The following TRIM33 variants were observed in gnomAD, a reference collection of about 807,000 sequenced individuals.
TRIM33 encodes the protein E3 ubiquitin-protein ligase TRIM33.
Under a neutral mutation model 125.4 loss-of-function variants are expected in TRIM33, and 20 were observed. That is an observed-to-expected ratio of 0.16 (90% CI 0.11 to 0.23). The LOEUF is 0.23. Ranked by LOEUF, TRIM33 falls within the 10% of genes least tolerant of loss-of-function variation. The pLI is 1.00. For missense variants in TRIM33, 920 were observed against 1,411.4 expected (o/e 0.65, Z 5.58); for synonymous variants, 564 against 513.9 (o/e 1.10, Z -1.32).
intron 1 of TRIM33, among the ~76,000 whole-genome samples, chr1:114,465,683 A>G: frequency 6.6e-6 from 1 of 152,246 alleles, no homozygotes; most frequent in East Asian, 1.9e-4. Flanking sequence ...ACTGTTATAT[A>G]TTTAAAACAA....
At position 114,408,704 on chromosome 1, in the gene TRIM33, C is replaced by G; in HGVS notation, c.2231G>C (p.Ser744Thr). The G allele has an allele frequency of 6.2e-7, 1 of 1,604,940 alleles. No homozygotes were observed. Among genetic ancestry groups the G allele is most frequent in the Non-Finnish European group, 8.5e-7 (1 of 1,175,192 alleles). Residue 744 changes from serine to threonine, a missense_variant, in exon 13 of 20, where the codon AGT becomes ACT. Transcript: ENST00000358465. ...SNSHTPVRPP[S>T]TSSTGSRGSC... The stretch of plus-strand genomic sequence containing the variant: ...GCCTCGACTGCCAGTACTAGAAGTA[C>G]TTGGGGGTCTCACAGGTGTGTGAGA...
intron 1 of TRIM33, among the ~76,000 whole-genome samples, chr1:114,481,689 A>G (rs536017109): frequency 0.015 from 2,181 of 142,128 alleles, 30 homozygotes; most frequent in South Asian, 0.044. Flanking sequence ...ATATATATAT[A>G]TGTGTGTATA....
chr1:114,409,422 C>T (rs1319087264), intron 12 of TRIM33, among the ~76,000 whole-genome samples: 2 of 152,112 alleles, frequency 1.3e-5, no homozygotes, highest in Admixed American at 1.3e-4. Flanking sequence ...TGAAAATTAA[C>T]CTGCCCTTCT....
At chr1:114,504,336 T>G (rs1307192243) in intron 1 of TRIM33, among the ~76,000 whole-genome samples, 1 of 152,008 alleles carries the variant, frequency 6.6e-6, no homozygotes, top group Non-Finnish European at 1.5e-5. Context: ...TATTTAATTT[T>G]TTTGTATTTT....
At chr1:114,442,526 A>T (rs1222015390) in intron 4 of TRIM33, among the ~76,000 whole-genome samples, 2 of 151,730 alleles carry the variant, frequency 1.3e-5, no homozygotes, top group African/African-American at 4.8e-5. Context: ...TGTCTCTACT[A>T]AAAATACAAA....
intron 19 of TRIM33, 32 bp from the exon 20 acceptor site, chr1:114,397,892 T>A: frequency 1.9e-6 from 3 of 1,613,524 alleles, no homozygotes; most frequent in Non-Finnish European, 2.5e-6. Flanking sequence ...ATTCACCTAT[T>A]GGTAATGCAT....
At chr1:114,449,592 A>G (rs1649196278) in intron 4 of TRIM33, among the ~76,000 whole-genome samples, 1 of 152,190 alleles carries the variant, frequency 6.6e-6, no homozygotes. Context: ...GTCAATGGAA[A>G]AGAAATTCTA....
intron 18 of TRIM33, 22 bp downstream of exon 18, chr1:114,399,435 T>C (rs1321974694): frequency 3.7e-6 from 6 of 1,607,074 alleles, no homozygotes; most frequent in African/African-American, 2.7e-5. Flanking sequence ...ATCAAGACTC[T>C]ATAGGTTGGA....
intron 1 of TRIM33, among the ~76,000 whole-genome samples, chr1:114,469,684 TAA>T (rs1650520326): frequency 6.6e-6 from 1 of 152,204 alleles, no homozygotes; most frequent in Admixed American, 6.5e-5. Context: ...TGATCTTTAC[TAA>T]AGAAATTTTA....
At chr1:114,485,941 C>G (rs1651654602) in intron 1 of TRIM33, among the ~76,000 whole-genome samples, 1 of 152,150 alleles carries the variant, frequency 6.6e-6, no homozygotes, top group South Asian at 2.1e-4. Flanking sequence ...TTAGAAACAT[C>G]TGACAAAGTC....
rs565468000 is a variant in TRIM33, at chr1:114,412,637, TA to T, written c.2062-2322del. Among the ~76,000 whole-genome samples the T allele has an allele frequency of 3.4e-3, 518 of 152,334 alleles. 1 individual carries two copies. Among genetic ancestry groups the T allele is most frequent in the Non-Finnish European group, 6.3e-3 (427 of 68,020 alleles). On this transcript the variant is annotated intron_variant, in intron 11 of 19. Transcript: ENST00000358465. Reference sequence around the variant, plus strand: ...TTATATACTGTACGCTTTTTTCATCTATTTTTTTCACTTGGTAAAACTGAGA... The same window carrying T: ...TTATATACTGTACGCTTTTTTCATCTTTTTTTTCACTTGGTAAAACTGAGA...
chr1:114,442,732 GA>G lies in TRIM33; in HGVS notation c.924-9000del, dbSNP rs1253632723. ...AAAAAAAAGAAAAAAAAAACTCTTAGAAGAATTTACGGAAGAACTAAAAAAG... is the reference window on the plus strand; with the variant it reads ...AAAAAAAAGAAAAAAAAAACTCTTAGAGAATTTACGGAAGAACTAAAAAAG... On this transcript the variant is annotated intron_variant, in intron 4 of 19. Transcript: ENST00000358465. 2.1e-5 allele frequency among the ~76,000 whole-genome samples: 3 copies of G among 143,732 alleles called. No individual in the cohort carries two copies. The East Asian group carries it at 6.0e-4, about 29-fold the overall frequency. The allele number at this position is 143,732 out of a possible 152,430, so 94.3% of individuals were successfully genotyped here. A position where few individuals can be genotyped will look rare whatever the true frequency, so the allele number is the denominator to read the frequency against.
In TRIM33 at chr1:114,425,449, C is replaced by T. The variant is rs1557857563; in HGVS notation, c.1695G>A (p.Gln565=). The T allele has an allele frequency of 1.2e-6, 2 of 1,613,594 alleles. No individual in the cohort carries two copies. The highest frequency in any genetic ancestry group is 8.5e-7 in the Non-Finnish European group (1 of 1,179,740). ...RQAAPQMLQQ[Q]PPRLISVQTM... ...AATAATGTAGTAACACGATACTTAC[C>T]TGTTGTTGTAACATCTGAGGGGCTG... is the stretch of plus-strand genomic sequence containing the variant. Residue 565 remains glutamine (Q), a splice_region_variant and synonymous_variant, in exon 9 of 20, where the codon CAG becomes CAA. Transcript: ENST00000358465.
rs367665562 is a variant in TRIM33 at position 114,401,370 on chromosome 1, A to C, written c.2967+19T>G. 14 of 1,607,416 alleles carry C rather than the reference A, an allele frequency of 8.7e-6. No homozygotes were observed. The highest frequency in any genetic ancestry group is 1.2e-5 in the Non-Finnish European group (14 of 1,174,976). ...TATTATGAGACTTCCCCACCGAGCT[A>C]CTAAGGTAGGCAACTCACCGAAGCA... is the stretch of plus-strand genomic sequence containing the variant. On this transcript the variant is annotated intron_variant, in intron 17 of 19. Coordinates refer to ENST00000358465, the MANE Select transcript of TRIM33 (RefSeq NM_015906.4).
At chr1:114,467,225 A>C (rs906961221) in intron 1 of TRIM33, among the ~76,000 whole-genome samples, 2 of 152,240 alleles carry the variant, frequency 1.3e-5, no homozygotes, top group African/African-American at 4.8e-5. Flanking sequence ...ATTGGACTTA[A>C]TAAATGACTG....
rs563275916 is a variant in TRIM33 at position 114,394,630 on chromosome 1, G to A, written c.*3018C>T. The stretch of plus-strand genomic sequence containing the variant: ...TACAGAAGTCAGAAAGTACCAACTT[G>A]TTGATCCAAAAATAATAATTTCAAT... On this transcript the variant is annotated 3_prime_UTR_variant, in exon 20 of 20. Transcript: ENST00000358465. The A allele has an allele frequency of 4.9e-6, 1 of 206,154 alleles. No homozygotes were observed. The highest frequency in any genetic ancestry group is 1.9e-4 in the South Asian group (1 of 5,312). The allele number at this position is 206,154 out of a possible 1,614,324, so 12.8% of individuals were successfully genotyped here.
In TRIM33 at chr1:114,433,752, C is replaced by G; in HGVS notation, c.924-19G>C. 7.1e-7 allele frequency: 1 copy of G among 1,412,188 alleles called. No homozygotes were observed. The highest frequency in any genetic ancestry group is 9.9e-7 in the Non-Finnish European group (1 of 1,012,272). The allele number at this position is 1,412,188 out of a possible 1,614,324, so 87.5% of individuals were successfully genotyped here. On this transcript the variant is annotated intron_variant, in intron 4 of 19. Coordinates refer to ENST00000358465, the MANE Select transcript of TRIM33 (RefSeq NM_015906.4). ...CTGATACCTTAAAACCAAAACAAAA[C>G]TACATTTAAAACAAAACATTTATGA...
At position 114,395,941 on chromosome 1, in the gene TRIM33, T is replaced by A. The variant is rs948088231; in HGVS notation, c.*1707A>T. ...GTATAATAATTTCTTTAGAGCACTT[T>A]ATTTGATTCAATATGCATTAAAAAA... On this transcript the variant is annotated 3_prime_UTR_variant, in exon 20 of 20. Coordinates refer to ENST00000358465, the MANE Select transcript of TRIM33 (RefSeq NM_015906.4). The A allele has an allele frequency of 5.2e-6, 1 of 193,972 alleles. No individual in the cohort carries two copies. The highest frequency in any genetic ancestry group is 2.3e-5 in the African/African-American group (1 of 43,144). The allele number at this position is 193,972 out of a possible 1,614,324, so 12.0% of individuals were successfully genotyped here.
chr1:114,506,513 T>C (rs542125348), intron 1 of TRIM33, among the ~76,000 whole-genome samples: 1 of 151,956 alleles, frequency 6.6e-6, no homozygotes, highest in South Asian at 2.1e-4. Flanking sequence ...TTTGTTCAGA[T>C]GCATCAATAT....
Sources: allele counts gnomAD v4.1 joint callset (sites outside exome capture counted in the v4.1 genomes callset), GRCh38; gene constraint gnomAD v4.1.1; transcripts MANE v1.5; gene names NCBI Gene and HGNC (gene_info 2026-07-23, HGNC 2026-07-21).